XRCC4: variants seen among roughly 807,000 people sequenced by gnomAD.
The protein encoded by XRCC4 is DNA repair protein XRCC4.
A neutral mutation model predicts 39.1 loss-of-function variants in XRCC4; 28 were observed. The ratio of observed to expected loss-of-function variants is 0.72; its 90% CI spans 0.53 to 0.98. The LOEUF (loss-of-function observed/expected upper bound fraction) is 0.98, where lower values mean the gene tolerates loss of function less well. Among genes scored for constraint, XRCC4 ranks in the 50% least tolerant of loss-of-function variants. XRCC4 has a pLI of 0.00. For synonymous variants in XRCC4, 123 were observed against 126.4 expected (o/e 0.97, Z 0.18); for missense variants, 350 against 376.4 (o/e 0.93, Z 0.58).
chr5:83,254,134 T>A, intron 6 of XRCC4, among the ~76,000 whole-genome samples: 1 of 149,134 alleles, frequency 6.7e-6, no homozygotes, highest in African/African-American at 2.5e-5. Flanking sequence ...CTGGAAATGG[T>A]AAAAGACATG....
At chr5:83,236,169 T>C (rs1316338287) in intron 6 of XRCC4, among the ~76,000 whole-genome samples, 1 of 152,024 alleles carries the variant, frequency 6.6e-6, no homozygotes, top group Non-Finnish European at 1.5e-5. Context: ...TTCAATGCAA[T>C]CCCTATCAAA....
chr5:83,227,695 A>C (rs1752342436), intron 6 of XRCC4, among the ~76,000 whole-genome samples: 1 of 152,078 alleles, frequency 6.6e-6, no homozygotes, highest in Admixed American at 6.6e-5. Context: ...TTTGAACATG[A>C]AGGATTTTCA....
chr5:83,282,647 C>T (rs1290253978), intron 7 of XRCC4, among the ~76,000 whole-genome samples: 1 of 151,850 alleles, frequency 6.6e-6, no homozygotes, highest in Non-Finnish European at 1.5e-5. Flanking sequence ...TCGAGACCAT[C>T]CTGGCTAACA....
At chr5:83,320,301 T>C (rs1756014954) in intron 7 of XRCC4, among the ~76,000 whole-genome samples, 1 of 148,302 alleles carries the variant, frequency 6.7e-6, no homozygotes, top group Non-Finnish European at 1.5e-5. Flanking sequence ...GGCACATGTA[T>C]ACATATGTAA....
chr5:83,249,305 C>T (rs1753224295), intron 6 of XRCC4, among the ~76,000 whole-genome samples: 1 of 151,944 alleles, frequency 6.6e-6, no homozygotes, highest in African/African-American at 2.4e-5. Flanking sequence ...TTTCTTATTC[C>T]TTCTAAATGA....
At chr5:83,302,481 A>G (rs948901957) in intron 7 of XRCC4, among the ~76,000 whole-genome samples, 5 of 152,128 alleles carry the variant, frequency 3.3e-5, no homozygotes, top group African/African-American at 9.7e-5. Context: ...AGGTGACACA[A>G]TGCCCCACCC....
At chr5:83,146,049 C>A (rs116786674) in intron 3 of XRCC4, among the ~76,000 whole-genome samples, 39 of 152,186 alleles carry the variant, frequency 2.6e-4, no homozygotes, top group African/African-American at 8.7e-4. Flanking sequence ...ATTGAACTTT[C>A]CACTTGTTAG....
At chr5:83,265,836 C>A (rs2112916963) in intron 7 of XRCC4, among the ~76,000 whole-genome samples, 1 of 150,484 alleles carries the variant, frequency 6.6e-6, no homozygotes, top group Non-Finnish European at 1.5e-5. Context: ...TTGGAGCTTA[C>A]ATAGGTGTTT....
chr5:83,130,526 G>T (rs1330455870), intron 3 of XRCC4, among the ~76,000 whole-genome samples: 2 of 152,076 alleles, frequency 1.3e-5, no homozygotes, highest in Non-Finnish European at 2.9e-5. Flanking sequence ...ATTGATTGGA[G>T]TAGTTTCAGA....
chr5:83,124,593 T>C (rs1420848772), intron 3 of XRCC4, among the ~76,000 whole-genome samples: 1 of 152,214 alleles, frequency 6.6e-6, no homozygotes, highest in African/African-American at 2.4e-5. Context: ...TGGACATTCA[T>C]GTACAGGTTT....
the XRCC4 span, among the ~76,000 whole-genome samples, chr5:83,360,270 T>C: frequency 6.6e-6 from 1 of 152,104 alleles, no homozygotes; most frequent in Non-Finnish European, 1.5e-5. Context: ...ACAAGATGAT[T>C]GTAGTGATGA....
At chr5:83,241,606 A>G (rs1266671072) in intron 6 of XRCC4, among the ~76,000 whole-genome samples, 1 of 152,150 alleles carries the variant, frequency 6.6e-6, no homozygotes, top group African/African-American at 2.4e-5. Flanking sequence ...TCTTTCAACC[A>G]AGTACAGTTG....
downstream of XRCC4, among the ~76,000 whole-genome samples, chr5:83,356,512 A>G (rs925097418): frequency 1.1e-4 from 16 of 152,324 alleles, no homozygotes; most frequent in African/African-American, 3.6e-4. Flanking sequence ...GATCTTTTCA[A>G]TCATTGCTGT....
intron 6 of XRCC4, among the ~76,000 whole-genome samples, chr5:83,255,428 C>T (rs75313545): frequency 0.037 from 5,653 of 152,186 alleles, 348 homozygotes; most frequent in African/African-American, 0.13. Context: ...CCTTTTTCTT[C>T]ATGCCAATTT....
At chr5:83,219,760 T>C (rs1752009097) in intron 6 of XRCC4, among the ~76,000 whole-genome samples, 1 of 152,218 alleles carries the variant, frequency 6.6e-6, no homozygotes, top group Non-Finnish European at 1.5e-5. Context: ...GAATGTAGTA[T>C]GTCTCATTAA....
chr5:83,170,848 G>A (rs1485462394), intron 3 of XRCC4, among the ~76,000 whole-genome samples: 6 of 152,124 alleles, frequency 3.9e-5, no homozygotes, highest in Non-Finnish European at 2.9e-5. Context: ...GGGGCAGGGC[G>A]TATATACCAG....
intron 2 of XRCC4, among the ~76,000 whole-genome samples, chr5:83,105,921 G>T (rs1400700711): frequency 2.6e-5 from 4 of 152,020 alleles, no homozygotes; most frequent in East Asian, 1.9e-4. Context: ...ACAATACATT[G>T]TAAAATTTTG....
chr5:83,228,340 A>G (rs1221994234), intron 6 of XRCC4, among the ~76,000 whole-genome samples: 1 of 152,034 alleles, frequency 6.6e-6, no homozygotes, highest in Non-Finnish European at 1.5e-5. Context: ...TACATAAGGC[A>G]TCTAGATTAT....
chr5:83,113,662 C>G (rs549010655), intron 3 of XRCC4, among the ~76,000 whole-genome samples: 252 of 152,064 alleles, frequency 1.7e-3, no homozygotes, highest in African/African-American at 5.8e-3. Flanking sequence ...GCTGTGTCAC[C>G]CAGGTTGGAG....
Sources: allele counts gnomAD v4.1 joint callset (sites outside exome capture counted in the v4.1 genomes callset), GRCh38; gene constraint gnomAD v4.1.1; transcripts MANE v1.5; gene names NCBI Gene and HGNC (gene_info 2026-07-23, HGNC 2026-07-21).